ANKRD12: variants seen among roughly 807,000 people sequenced by gnomAD.
The protein encoded by ANKRD12 is ankyrin repeat domain 12.
In ANKRD12, 85 loss-of-function variants were observed where a neutral mutation model predicts 183.4. That is an observed-to-expected ratio of 0.46 (90% CI 0.39 to 0.56). The LOEUF is 0.56. ANKRD12 is among the 20% of genes least tolerant of loss of function. The pLI is 0.00. For synonymous variants in ANKRD12, 914 were observed against 800.2 expected (o/e 1.14, Z -2.40); for missense variants, 2,405 against 2,357.1 (o/e 1.02, Z -0.42).
At chr18:9,166,597 A>G (rs2032097039) in intron 1 of ANKRD12, among the ~76,000 whole-genome samples, 1 of 151,898 alleles carries the variant, frequency 6.6e-6, no homozygotes, top group Non-Finnish European at 1.5e-5. Flanking sequence ...GTTTGAGTTC[A>G]TTGTAGATTC....
At chr18:9,247,367 T>A (rs1201395739) in intron 8 of ANKRD12, among the ~76,000 whole-genome samples, 1 of 150,702 alleles carries the variant, frequency 6.6e-6, no homozygotes, top group Non-Finnish European at 1.5e-5. Context: ...TAGTCCTAGC[T>A]ACTTGAGAGG....
At chr18:9,155,961 C>T (rs1343102234) in intron 1 of ANKRD12, among the ~76,000 whole-genome samples, 9 of 151,742 alleles carry the variant, frequency 5.9e-5, no homozygotes, top group East Asian at 1.9e-4. Context: ...ATGATGAAAC[C>T]GAATCTCTAC....
chr18:9,169,808 T>C (rs1442233690), intron 1 of ANKRD12, among the ~76,000 whole-genome samples: 2 of 152,272 alleles, frequency 1.3e-5, no homozygotes, highest in East Asian at 3.9e-4. Context: ...TTCCTAGCAT[T>C]GATGGTCTTT....
Position 9,255,008 on chromosome 18 carries a change from G to T in ANKRD12, c.1741G>T (p.Val581Phe). ...TGAAATGTCATTACAGCCTGATCTT[G>T]TTCGGTATGATAATACAGAATCTGA... ...SSEMSLQPDLVRYDNTESEFL... is the reference protein window; with the variant it reads ...SSEMSLQPDLFRYDNTESEFL... Residue 581 changes from valine (V) to phenylalanine (F), a missense_variant, in exon 9 of 13, where the codon GTT becomes TTT. Transcript: ENST00000262126. The T allele has an allele frequency of 5.0e-6, 8 of 1,608,692 alleles. No homozygotes were observed. The highest frequency in any genetic ancestry group is 5.9e-6 in the Non-Finnish European group (7 of 1,178,126).
At chr18:9,159,534 C>G (rs1012354755) in intron 1 of ANKRD12, among the ~76,000 whole-genome samples, 2 of 151,694 alleles carry the variant, frequency 1.3e-5, no homozygotes, top group Non-Finnish European at 2.9e-5. Context: ...CGGGTTCCTG[C>G]CATTCTCCTG....
chr18:9,192,034 G>GTACT (rs1318303969), intron 2 of ANKRD12, among the ~76,000 whole-genome samples: 13 of 152,052 alleles, frequency 8.5e-5, no homozygotes, highest in African/African-American at 2.7e-4. Context: ...AACCACCCTG[G>GTACT]TACTTCCCTG....
chr18:9,234,145 G>A (rs932949279), intron 8 of ANKRD12, among the ~76,000 whole-genome samples: 3 of 152,124 alleles, frequency 2.0e-5, no homozygotes, highest in Non-Finnish European at 2.9e-5. Flanking sequence ...TCGTACACAG[G>A]CCCCAGCACA....
At chr18:9,162,736 C>A (rs570941141) in intron 1 of ANKRD12, among the ~76,000 whole-genome samples, 1 of 152,218 alleles carries the variant, frequency 6.6e-6, no homozygotes, top group Admixed American at 6.5e-5. Context: ...TTTTAATAAT[C>A]GCCATTCTGA....
chr18:9,233,767 ACATGT>A (rs751687926), intron 8 of ANKRD12, among the ~76,000 whole-genome samples: 7 of 152,166 alleles, frequency 4.6e-5, no homozygotes, highest in Non-Finnish European at 1.0e-4. Flanking sequence ...CTAGGGACAG[ACATGT>A]CAGGTGGGCC....
chr18:9,182,184 G>A (rs375147297), intron 1 of ANKRD12, among the ~76,000 whole-genome samples, 198 bp from the exon 2 acceptor site: 6 of 152,256 alleles, frequency 3.9e-5, no homozygotes, highest in African/African-American at 1.2e-4. Flanking sequence ...AATACAGGAA[G>A]AAATTTATTA....
chr18:9,284,497 TTAAAG>T lies in ANKRD12; in HGVS notation c.*3372_*3376del, dbSNP rs1385172058. On this transcript the variant is annotated 3_prime_UTR_variant, in exon 13 of 13. Transcript: ENST00000262126. ...TGAAATAGTCCTCTTTTTAAACAGT[TTAAAG>T]GAAGCATTTTCACCGTTTGTAAAAA... 2.6e-5 allele frequency: 4 copies of T among 152,184 alleles called. No individual in the cohort carries two copies. Among genetic ancestry groups the T allele is most frequent in the African/African-American group, 9.7e-5 (4 of 41,436 alleles). 9.4% of individuals were successfully genotyped at this position (152,184 alleles called of 1,614,324 possible). A position where few individuals can be genotyped will look rare whatever the true frequency, so the allele number is the denominator to read the frequency against.
chr18:9,174,651 C>G (rs554341137), intron 1 of ANKRD12, among the ~76,000 whole-genome samples: 2 of 152,292 alleles, frequency 1.3e-5, no homozygotes, highest in South Asian at 4.1e-4. Flanking sequence ...ATTGCCACAC[C>G]CTGCTTTTTT....
At chr18:9,167,013 G>T (rs1235146233) in intron 1 of ANKRD12, among the ~76,000 whole-genome samples, 2 of 152,194 alleles carry the variant, frequency 1.3e-5, no homozygotes, top group Non-Finnish European at 2.9e-5. Flanking sequence ...GTTTGTCAAA[G>T]ATCAGATAGT....
intron 1 of ANKRD12, among the ~76,000 whole-genome samples, chr18:9,165,247 G>A (rs577366690): frequency 1.3e-5 from 2 of 152,180 alleles, no homozygotes; most frequent in African/African-American, 4.8e-5. Flanking sequence ...CCATTGCTTG[G>A]TAAGTTTTCC....
Position 9,257,112 on chromosome 18 carries a change from C to A in ANKRD12, c.3845C>A (p.Ser1282Ter). 1 of 1,614,128 alleles carries A rather than the reference C, an allele frequency of 6.2e-7. No homozygotes were observed. The highest frequency in any genetic ancestry group is 1.1e-5 in the South Asian group (1 of 91,090). The change falls in exon 9 of 13, where the codon TCA becomes TAA. Residue 1282 changes from serine (S) to a stop codon, truncating the protein, a stop_gained. Coordinates refer to ENST00000262126, the MANE Select transcript of ANKRD12 (RefSeq NM_015208.5). LOFTEE classifies it high-confidence loss of function. ...AAACCACCATATGCAAACAGACTTT[C>A]AACATCCCATCTTAGGTCATCTTCT... is the stretch of plus-strand genomic sequence containing the variant. ...RIKPPYANRL[S>*]TSHLRSSSVE...
chr18:9,174,259 G>A (rs2033043491), intron 1 of ANKRD12, among the ~76,000 whole-genome samples: 1 of 152,226 alleles, frequency 6.6e-6, no homozygotes. Context: ...TGGCTGGCTA[G>A]AATTCAAAGC....
intron 1 of ANKRD12, among the ~76,000 whole-genome samples, chr18:9,167,795 C>T (rs1211171677): frequency 6.6e-6 from 1 of 152,150 alleles, no homozygotes; most frequent in Non-Finnish European, 1.5e-5. Context: ...TGTCTTGTGC[C>T]AGTTTCCAAA....
chr18:9,231,499 T>C (rs2037044182), intron 8 of ANKRD12, among the ~76,000 whole-genome samples: 1 of 152,166 alleles, frequency 6.6e-6, no homozygotes, highest in African/African-American at 2.4e-5. Flanking sequence ...ATGATTACCT[T>C]TTTTGTCTTT....
At chr18:9,147,768 G>A (rs1295018605) in intron 1 of ANKRD12, among the ~76,000 whole-genome samples, 1 of 152,158 alleles carries the variant, frequency 6.6e-6, no homozygotes, top group East Asian at 1.9e-4. Flanking sequence ...AGATTTGAGA[G>A]GAACCAAACA....
Sources: allele counts gnomAD v4.1 joint callset (sites outside exome capture counted in the v4.1 genomes callset), GRCh38; gene constraint gnomAD v4.1.1; transcripts MANE v1.5; gene names NCBI Gene and HGNC (gene_info 2026-07-23, HGNC 2026-07-21).